COQ5: variants seen among roughly 807,000 people sequenced by gnomAD.
The protein encoded by COQ5 is 2-methoxy-6-polyprenyl-1,4-benzoquinol methylase, mitochondrial.
A neutral mutation model predicts 40.5 loss-of-function variants in COQ5; 27 were observed. The observed-to-expected ratio is 0.67, with a 90% CI of 0.49 to 0.92. The LOEUF is 0.92. COQ5 is among the 40% of genes least tolerant of loss of function. COQ5 has a pLI of 0.00. For synonymous variants in COQ5, 141 were observed against 150.0 expected (o/e 0.94, Z 0.44); for missense variants, 409 against 406.4 (o/e 1.01, Z -0.06).
chr12:120,504,230 A>T, intron 5 of COQ5, 149 bp from the exon 6 acceptor site: 1 of 669,438 alleles, frequency 1.5e-6, no homozygotes, highest in South Asian at 1.5e-5. Flanking sequence ...GTCAGGTACA[A>T]GACCAGTAGA....
At chr12:120,509,846 G>A in intron 4 of COQ5, 171 bp downstream of exon 4, 1 of 637,328 alleles carries the variant, frequency 1.6e-6, no homozygotes, top group South Asian at 1.7e-5. Context: ...AGCTACTTGG[G>A]AGGCAGATGT....
chr12:120,524,560 T>C (rs1333305141), intron 1 of COQ5, among the ~76,000 whole-genome samples: 1 of 152,090 alleles, frequency 6.6e-6, no homozygotes, highest in Non-Finnish European at 1.5e-5. Context: ...ACGCCCGGCC[T>C]TAAAGTTACA....
chr12:120,505,486 C>G (rs940969490), intron 4 of COQ5, among the ~76,000 whole-genome samples: 1 of 151,958 alleles, frequency 6.6e-6, no homozygotes, highest in Non-Finnish European at 1.5e-5. Context: ...CTCCCAGGTT[C>G]AAGCGATTCT....
chr12:120,522,117 C>A, intron 2 of COQ5, 97 bp downstream of exon 2: 1 of 1,278,174 alleles, frequency 7.8e-7, no homozygotes. Flanking sequence ...CAATCACCAT[C>A]TTCCGCCTCG....
rs569070011 is a variant in COQ5 at position 120,525,377 on chromosome 12, G to A, written c.203-3014C>T. Among the ~76,000 whole-genome samples the A allele has an allele frequency of 3.3e-5, 5 of 152,072 alleles. No homozygotes were observed. In the East Asian group the frequency reaches 7.8e-4, roughly 24 times the overall value. On this transcript the variant is annotated intron_variant, in intron 1 of 6. Coordinates refer to ENST00000288532, the MANE Select transcript of COQ5 (RefSeq NM_032314.4). ...CTCCCAAAGTACTGGGATTACAGGC[G>A]TGAGCCACCACGCCCAGCCTGCTCT... is the stretch of plus-strand genomic sequence containing the variant.
chr12:120,516,634 C>T lies in COQ5; in HGVS notation c.507G>A (p.Val169=). The T allele has an allele frequency of 6.2e-7, 1 of 1,614,230 alleles. No homozygotes were observed. The highest frequency in any genetic ancestry group is 8.5e-7 in the Non-Finnish European group (1 of 1,180,046). The change falls in exon 3 of 7, where the codon GTG becomes GTA. Residue 169 remains valine, a synonymous_variant. Coordinates refer to ENST00000288532, the MANE Select transcript of COQ5 (RefSeq NM_032314.4). Reference sequence around the variant, plus strand: ...TTAGCATCTCCTTGTTGATGTCACACACCACGACACGAGACCCGCCCAAGG... The same window carrying T: ...TTAGCATCTCCTTGTTGATGTCACATACCACGACACGAGACCCGCCCAAGG... ...EDSLGGSRVV[V]CDINKEMLKV... is the part of the protein sequence containing the mutation.
At chr12:120,507,323 C>T (rs550674712) in intron 4 of COQ5, among the ~76,000 whole-genome samples, 13 of 149,242 alleles carry the variant, frequency 8.7e-5, no homozygotes, top group African/African-American at 2.7e-4. Flanking sequence ...CTCGTTCTGT[C>T]GCCCAGGCTG....
rs372652645 is a variant in COQ5, at chr12:120,503,745, C to T, written c.*39G>A. On this transcript the variant is annotated 3_prime_UTR_variant, in exon 7 of 7. Coordinates refer to ENST00000288532, the MANE Select transcript of COQ5 (RefSeq NM_032314.4). ...TTATCCTTCAGTTCCAGGCTTTCAA[C>T]AGGATATGACTGGTTCATGCTCCAT... The T allele has an allele frequency of 9.5e-6, 14 of 1,468,096 alleles. No individual in the cohort carries two copies. In the African/African-American group the frequency reaches 1.9e-4, roughly 20 times the overall value. The allele number at this position is 1,468,096 out of a possible 1,614,324, so 90.9% of individuals were successfully genotyped here.
chr12:120,522,400 C>G, intron 1 of COQ5, 37 bp from the exon 2 acceptor site: 1 of 1,604,436 alleles, frequency 6.2e-7, no homozygotes. Context: ...GTGCTATTAA[C>G]AGAATTCCCT....
At chr12:120,523,612 C>T (rs1414583456) in intron 1 of COQ5, among the ~76,000 whole-genome samples, 2 of 152,170 alleles carry the variant, frequency 1.3e-5, no homozygotes, top group Non-Finnish European at 2.9e-5. Flanking sequence ...GTAAAAATGC[C>T]ATCCATATAC....
intron 1 of COQ5, chr12:120,526,504 CAGA>C (rs1471681367): frequency 6.6e-6 from 3 of 454,520 alleles, no homozygotes; most frequent in East Asian, 7.0e-5. Flanking sequence ...GAAGATGTCC[CAGA>C]AGAAGTGATG....
intron 2 of COQ5, among the ~76,000 whole-genome samples, chr12:120,519,270 A>G (rs1356783625): frequency 6.6e-6 from 1 of 152,186 alleles, no homozygotes; most frequent in Non-Finnish European, 1.5e-5. Context: ...TAGAATTGAA[A>G]ATGTGAGGCC....
intron 4 of COQ5, among the ~76,000 whole-genome samples, chr12:120,508,859 A>G (rs1869001247): frequency 6.6e-6 from 1 of 151,800 alleles, no homozygotes; most frequent in Admixed American, 6.6e-5. Flanking sequence ...TGCCGTCTCT[A>G]CTGATAAATA....
chr12:120,505,040 T>C (rs959296356), intron 4 of COQ5, 57 bp from the exon 5 acceptor site: 1 of 1,405,190 alleles, frequency 7.1e-7, no homozygotes, highest in African/African-American at 1.4e-5. Flanking sequence ...CTCAATTCCA[T>C]GAGGCCAAGA....
chr12:120,516,795 G>C lies in COQ5; in HGVS notation c.353-7C>G. On this transcript the variant is annotated splice_region_variant and splice_polypyrimidine_tract_variant and intron_variant, in intron 2 of 6. Coordinates refer to ENST00000288532, the MANE Select transcript of COQ5 (RefSeq NM_032314.4). ...AACCGGAATGCAATGTCACCTGTGG[G>C]AAGCCAACATGAGGAAAGATGCAGA... The C allele has an allele frequency of 6.2e-7, 1 of 1,611,578 alleles. No individual in the cohort carries two copies. The highest frequency in any genetic ancestry group is 8.5e-7 in the Non-Finnish European group (1 of 1,177,646).
chr12:120,529,053 C>G lies in COQ5; in HGVS notation c.89G>C (p.Arg30Pro). 1.9e-6 allele frequency: 3 copies of G among 1,614,170 alleles called. No individual in the cohort carries two copies. In the African/African-American group the frequency reaches 4.0e-5, roughly 22 times the overall value. ...AMRGCQLLGL[R>P]SSWPGDLLSA... ...TAGTAGGTCCCCGGGCCAAGAGCTA[C>G]GAAGCCCGAGGAGCTGGCAGCCCCG... Residue 30 changes from arginine to proline, a missense_variant, in exon 1 of 7, where the codon CGT (arginine) becomes CCT (proline). By Grantham distance (103) the Arg-to-Pro change is moderately radical. Coordinates refer to ENST00000288532, the MANE Select transcript of COQ5 (RefSeq NM_032314.4).
At chr12:120,516,543 G>C in intron 3 of COQ5, 24 bp downstream of exon 3, 1 of 1,527,990 alleles carries the variant, frequency 6.5e-7, no homozygotes, top group Non-Finnish European at 9.1e-7. Context: ...TACTTCCCCT[G>C]TGTCTGCCTT....
Position 120,517,070 on chromosome 12 carries a change from T to G in COQ5, c.353-282A>C, listed in dbSNP as rs373744394. Among the ~76,000 whole-genome samples, 52 of 152,094 alleles carry G rather than the reference T, an allele frequency of 3.4e-4. No individual in the cohort carries two copies. The East Asian group carries it at 8.9e-3, about 26-fold the overall frequency. On this transcript the variant is annotated intron_variant, in intron 2 of 6. Transcript: ENST00000288532. ...TAACTTTTTTTTTTAATTAAAGAAA[T>G]TGGGCTGGGCTCATGCCTGCAATCT...
chr12:120,524,410 G>A (rs1388874383), intron 1 of COQ5, among the ~76,000 whole-genome samples: 8 of 151,818 alleles, frequency 5.3e-5, no homozygotes, highest in East Asian at 3.9e-4. Context: ...ACAGGCACTC[G>A]CCACCACGCC....
Sources: gnomAD v4.1 joint callset for allele counts (sites outside exome capture counted in the v4.1 genomes callset) on GRCh38, gnomAD v4.1.1 for gene constraint, MANE v1.5 for transcripts, NCBI Gene and HGNC (gene_info 2026-07-23, HGNC 2026-07-21) for gene names.